The following DCC variants were observed in gnomAD, a reference collection of about 807,000 sequenced individuals.
DCC encodes DCC netrin 1 receptor.
DCC carries 58 observed loss-of-function variants against 172.5 expected under a neutral mutation model. The observed-to-expected ratio is 0.34, with a 90% CI of 0.27 to 0.42. The LOEUF is 0.42. Ranked by LOEUF, DCC falls within the 10% of genes least tolerant of loss-of-function variation. DCC has a pLI of 1.00. For missense variants in DCC, 1,740 were observed against 1,791.0 expected, an observed-to-expected ratio of 0.97 and a Z score of 0.51; for synonymous variants, 709 against 644.5, an observed-to-expected ratio of 1.10 and a Z score of -1.52.
chr18:52,392,438 G>C (rs1427009082), intron 1 of DCC, among the ~76,000 whole-genome samples: 1 of 152,096 alleles, frequency 6.6e-6, no homozygotes, highest in Non-Finnish European at 1.5e-5. Flanking sequence ...GACTGAAACT[G>C]TATAGTGAAG....
At chr18:53,035,760 G>A (rs1051697382) in intron 5 of DCC, among the ~76,000 whole-genome samples, 2 of 151,802 alleles carry the variant, frequency 1.3e-5, no homozygotes, top group African/African-American at 4.8e-5. Flanking sequence ...CATTTTTATT[G>A]GCTTCATATT....
intron 12 of DCC, among the ~76,000 whole-genome samples, chr18:53,275,237 G>A (rs1316216730): frequency 6.6e-6 from 1 of 152,058 alleles, no homozygotes; most frequent in Non-Finnish European, 1.5e-5. Context: ...CCCATATTTA[G>A]CCAACTGCTA....
At chr18:53,521,716 T>A (rs2046401079) in intron 27 of DCC, among the ~76,000 whole-genome samples, 2 of 152,140 alleles carry the variant, frequency 1.3e-5, no homozygotes, top group South Asian at 2.1e-4. Context: ...ATGCATTGCA[T>A]GTGTTTGGTT....
chr18:52,431,761 C>T (rs555891846), intron 1 of DCC, among the ~76,000 whole-genome samples: 27 of 152,144 alleles, frequency 1.8e-4, no homozygotes, highest in African/African-American at 5.3e-4. Flanking sequence ...CCTTTTTTCA[C>T]GAGGCATAAT....
At chr18:53,000,604 T>C (rs2143841269) in intron 5 of DCC, among the ~76,000 whole-genome samples, 1 of 148,818 alleles carries the variant, frequency 6.7e-6, no homozygotes, top group Non-Finnish European at 1.5e-5. Context: ...TTTTTTTTTT[T>C]TTTTTTAACA....
At chr18:53,241,372 C>G (rs144967648) in intron 12 of DCC, among the ~76,000 whole-genome samples, 4 of 152,252 alleles carry the variant, frequency 2.6e-5, no homozygotes, top group Middle Eastern at 6.8e-3. Flanking sequence ...CCAGAGAACA[C>G]ACCCATTCTC....
At chr18:52,521,528 T>A (rs965643442) in intron 1 of DCC, among the ~76,000 whole-genome samples, 1 of 152,260 alleles carries the variant, frequency 6.6e-6, no homozygotes, top group Non-Finnish European at 1.5e-5. Context: ...CATGGCCCCA[T>A]CACCAAATGC....
chr18:52,609,652 C>A (rs1013782381), intron 1 of DCC, among the ~76,000 whole-genome samples: 4 of 151,700 alleles, frequency 2.6e-5, no homozygotes, highest in Admixed American at 6.6e-5. Context: ...TCCAGCACAA[C>A]TTTGCTGTAG....
chr18:52,723,739 G>A (rs1472880549), intron 1 of DCC, among the ~76,000 whole-genome samples: 1 of 152,152 alleles, frequency 6.6e-6, no homozygotes, highest in South Asian at 2.1e-4. Flanking sequence ...ACTAATGCAA[G>A]GAAGTCTTTA....
At chr18:53,295,748 T>C (rs1370305010) in intron 12 of DCC, among the ~76,000 whole-genome samples, 1 of 152,336 alleles carries the variant, frequency 6.6e-6, no homozygotes, top group South Asian at 2.1e-4. Flanking sequence ...TTTTGTTTTT[T>C]CTTTTGGAAA....
intron 5 of DCC, among the ~76,000 whole-genome samples, chr18:52,974,589 C>G (rs150961391): frequency 6.6e-6 from 1 of 152,174 alleles, no homozygotes; most frequent in African/African-American, 2.4e-5. Flanking sequence ...GAATCTAATG[C>G]AGGGAGGCTC....
At chr18:52,548,260 GCC>G (rs2032670384) in intron 1 of DCC, among the ~76,000 whole-genome samples, 4 of 151,998 alleles carry the variant, frequency 2.6e-5, no homozygotes, top group Admixed American at 2.6e-4. Context: ...CTTAATATAG[GCC>G]AATATTCCAA....
At chr18:53,175,165 T>C (rs961374721) in intron 8 of DCC, among the ~76,000 whole-genome samples, 1 of 152,182 alleles carries the variant, frequency 6.6e-6, no homozygotes, top group Non-Finnish European at 1.5e-5. Flanking sequence ...TAGGTATTGA[T>C]GGGACATATT....
intron 5 of DCC, among the ~76,000 whole-genome samples, chr18:52,998,824 G>A (rs1390332240): frequency 3.3e-5 from 5 of 152,078 alleles, no homozygotes; most frequent in Non-Finnish European, 1.5e-5. Context: ...GTTTGTGTGT[G>A]TGTGTGTGTT....
At chr18:52,728,238 T>C (rs2036583684) in intron 1 of DCC, among the ~76,000 whole-genome samples, 1 of 152,128 alleles carries the variant, frequency 6.6e-6, no homozygotes, top group Non-Finnish European at 1.5e-5. Flanking sequence ...TGTGAAGAGA[T>C]AATAAGCTAC....
chr18:53,150,020 A>C (rs1444588857), intron 7 of DCC, among the ~76,000 whole-genome samples: 6 of 152,322 alleles, frequency 3.9e-5, no homozygotes, highest in Non-Finnish European at 8.8e-5. Flanking sequence ...CTTAGGAAGC[A>C]TCGTTATGTG....
intron 1 of DCC, among the ~76,000 whole-genome samples, chr18:52,398,326 A>G (rs1217388974): frequency 3.3e-5 from 5 of 151,890 alleles, no homozygotes; most frequent in African/African-American, 1.2e-4. Context: ...CTCCTTTCAA[A>G]TTTTGATGCA....
intron 25 of DCC, among the ~76,000 whole-genome samples, chr18:53,478,629 C>A (rs1253585849): frequency 6.6e-6 from 1 of 152,148 alleles, no homozygotes; most frequent in Admixed American, 6.5e-5. Flanking sequence ...AGCAAAAACA[C>A]TGAAGCAAAG....
chr18:52,844,504 T>C (rs912328077), intron 2 of DCC, among the ~76,000 whole-genome samples: 4 of 152,206 alleles, frequency 2.6e-5, no homozygotes, highest in Middle Eastern at 3.2e-3. Flanking sequence ...TTACCATGTG[T>C]TAAATTCCAA....
Sources: allele counts gnomAD v4.1 joint callset (sites outside exome capture counted in the v4.1 genomes callset), GRCh38; gene constraint gnomAD v4.1.1; transcripts MANE v1.5; gene names NCBI Gene and HGNC (gene_info 2026-07-23, HGNC 2026-07-21).